The following CNBD1 variants were observed in gnomAD, a reference collection of about 807,000 sequenced individuals.
CNBD1 encodes the protein cyclic nucleotide binding domain containing 1.
Under a neutral mutation model 54.4 loss-of-function variants are expected in CNBD1, and 71 were observed. The observed-to-expected ratio is 1.30, with a 90% confidence interval of 1.08 to 1.59. The LOEUF (loss-of-function observed/expected upper bound fraction) is 1.59, where lower values mean the gene tolerates loss of function less well. Among genes scored for constraint, CNBD1 ranks in the 40% most tolerant of loss-of-function variants. The pLI is 0.00. For synonymous variants in CNBD1, 182 were observed against 170.7 expected, an observed-to-expected ratio of 1.07 and a Z score of -0.51; for missense variants, 659 against 518.0, an observed-to-expected ratio of 1.27 and a Z score of -2.64.
chr8:86,966,889 CT>C (rs1443592253), intron 4 of CNBD1, among the ~76,000 whole-genome samples: 4 of 152,150 alleles, frequency 2.6e-5, no homozygotes, highest in Non-Finnish European at 5.9e-5. Flanking sequence ...CTTTTATTCC[CT>C]TATTTGGCCC....
chr8:87,031,278 A>G (rs1218587578), intron 4 of CNBD1, among the ~76,000 whole-genome samples: 3 of 152,008 alleles, frequency 2.0e-5, no homozygotes, highest in Non-Finnish European at 2.9e-5. Context: ...AAAGCACTTA[A>G]TTATTGCCTT....
intron 6 of CNBD1, among the ~76,000 whole-genome samples, chr8:87,265,496 T>C (rs192108245): frequency 1.3e-4 from 20 of 152,254 alleles, no homozygotes; most frequent in African/African-American, 4.6e-4. Flanking sequence ...TGTTTTTTGC[T>C]TAAATGTTAA....
rs144633052 is a variant in CNBD1 at position 87,061,772 on chromosome 8, T to C, written c.431+122018T>C. On this transcript the variant is annotated intron_variant, in intron 4 of 10. Coordinates refer to ENST00000518476, the MANE Select transcript of CNBD1 (RefSeq NM_173538.3). ...ATCAATATACAATCAATGTGTAAAGTGTAGAGGCACGTTTTTCCCCAATAT... is the reference window on the plus strand; with the variant it reads ...ATCAATATACAATCAATGTGTAAAGCGTAGAGGCACGTTTTTCCCCAATAT... Among the ~76,000 whole-genome samples, 21 of 152,288 alleles carry C rather than the reference T, an allele frequency of 1.4e-4. No homozygotes were observed. In the East Asian group the frequency reaches 3.3e-3, roughly 24 times the overall value.
In CNBD1 at chr8:86,994,837, C is replaced by T. The variant is rs541921484; in HGVS notation, c.431+55083C>T. On this transcript the variant is annotated intron_variant, in intron 4 of 10. Coordinates refer to ENST00000518476, the MANE Select transcript of CNBD1 (RefSeq NM_173538.3). ...GTCACTCTCAGTGGGAGTGGCACTT[C>T]CTGCCTTTTGTTAAGTGCCATGAAT... Among the ~76,000 whole-genome samples, 14 of 152,182 alleles carry T rather than the reference C, an allele frequency of 9.2e-5. No homozygotes were observed. In the South Asian group the frequency reaches 2.9e-3, roughly 32 times the overall value.
downstream of CNBD1, among the ~76,000 whole-genome samples, chr8:87,384,035 C>T (rs1811139237): frequency 6.6e-6 from 1 of 151,628 alleles, no homozygotes; most frequent in African/African-American, 2.4e-5. Context: ...TAAAAAGGCT[C>T]ATTCAATTAA....
intron 2 of CNBD1, among the ~76,000 whole-genome samples, chr8:87,406,081 G>T (rs1448699150): frequency 6.6e-6 from 1 of 151,980 alleles, no homozygotes; most frequent in African/African-American, 2.4e-5. Flanking sequence ...TACTTTGATT[G>T]CTTATATCAT....
At chr8:86,937,128 G>A (rs1442884244) in intron 3 of CNBD1, among the ~76,000 whole-genome samples, 1 of 152,146 alleles carries the variant, frequency 6.6e-6, no homozygotes. Flanking sequence ...CACAATCATG[G>A]TAGAAGGTGG....
chr8:87,398,891 C>A (rs1407054588), intron 2 of CNBD1, among the ~76,000 whole-genome samples: 1 of 151,882 alleles, frequency 6.6e-6, no homozygotes, highest in Non-Finnish European at 1.5e-5. Context: ...AATCTAAAAC[C>A]ACTATCAGAC....
intron 2 of CNBD1, among the ~76,000 whole-genome samples, chr8:86,891,892 A>G (rs1240888843): frequency 1.3e-5 from 2 of 152,044 alleles, no homozygotes; most frequent in East Asian, 3.9e-4. Context: ...AAGCATGACT[A>G]ATTTTTGTAC....
At position 87,155,662 on chromosome 8, in the gene CNBD1, T is replaced by C. The variant is rs148257366; in HGVS notation, c.432-50331T>C. 1.3e-3 allele frequency among the ~76,000 whole-genome samples: 199 copies of C among 152,294 alleles called. 1 individual carries two copies. The highest frequency in any genetic ancestry group is 2.2e-3 in the Non-Finnish European group (153 of 68,016). ...GAAAAACTAGTTCTAGCAGACTGAGTGGGCATGCCTTAGGAATCCAACTGG... is the reference window on the plus strand; with the variant it reads ...GAAAAACTAGTTCTAGCAGACTGAGCGGGCATGCCTTAGGAATCCAACTGG... On this transcript the variant is annotated intron_variant, in intron 4 of 10. Coordinates refer to ENST00000518476, the MANE Select transcript of CNBD1 (RefSeq NM_173538.3).
chr8:87,110,784 A>G (rs1811646284), intron 4 of CNBD1, among the ~76,000 whole-genome samples: 1 of 152,238 alleles, frequency 6.6e-6, no homozygotes, highest in Admixed American at 6.5e-5. Context: ...GGGCAAATCA[A>G]CAAATGTATT....
Position 87,376,189 on chromosome 8 carries a change from T to A in CNBD1, c.1304-6431T>A, listed in dbSNP as rs189080955. On this transcript the variant is annotated intron_variant, in intron 10 of 10. Transcript: ENST00000518476. ...AATGCATTACCATGGGCTGGGTGGCTTAAACAACAAACGTTTATTTTCCCA... is the reference window on the plus strand; with the variant it reads ...AATGCATTACCATGGGCTGGGTGGCATAAACAACAAACGTTTATTTTCCCA... 3.9e-3 allele frequency among the ~76,000 whole-genome samples: 592 copies of A among 152,032 alleles called. 8 individuals are homozygous for A. The highest frequency in any genetic ancestry group is 0.013 in the African/African-American group (558 of 41,512).
intron 4 of CNBD1, among the ~76,000 whole-genome samples, chr8:87,012,318 C>A (rs1294429427): frequency 6.6e-6 from 1 of 152,120 alleles, no homozygotes; most frequent in African/African-American, 2.4e-5. Flanking sequence ...AAATTCCTGC[C>A]TAAGAGGTCT....
At chr8:87,170,446 CACT>C (rs1159275848) in intron 4 of CNBD1, among the ~76,000 whole-genome samples, 1 of 152,080 alleles carries the variant, frequency 6.6e-6, no homozygotes, top group Non-Finnish European at 1.5e-5. Flanking sequence ...CTAGAACTTC[CACT>C]ACTATGTTGA....
chr8:86,877,787 C>A (rs149273807), intron 1 of CNBD1, among the ~76,000 whole-genome samples: 1 of 152,074 alleles, frequency 6.6e-6, no homozygotes, highest in Non-Finnish European at 1.5e-5. Context: ...TTTGTCTACT[C>A]TTATTTCTGT....
chr8:87,205,053 T>C (rs1813942355), intron 4 of CNBD1, among the ~76,000 whole-genome samples: 1 of 152,116 alleles, frequency 6.6e-6, no homozygotes, highest in African/African-American at 2.4e-5. Flanking sequence ...TACACATGGA[T>C]ACCAGATGGG....
intron 4 of CNBD1, among the ~76,000 whole-genome samples, chr8:87,020,223 T>A (rs1273418867): frequency 6.6e-6 from 1 of 152,100 alleles, no homozygotes; most frequent in Non-Finnish European, 1.5e-5. Context: ...ATCTAGGATT[T>A]TTTTTTTAAA....
chr8:87,058,517 G>A (rs1810473304), intron 4 of CNBD1, among the ~76,000 whole-genome samples: 1 of 152,142 alleles, frequency 6.6e-6, no homozygotes, highest in Admixed American at 6.5e-5. Context: ...GGACATCCAG[G>A]CATTTCCATA....
At chr8:87,311,745 C>A (rs1809270568) in intron 8 of CNBD1, among the ~76,000 whole-genome samples, 1 of 152,064 alleles carries the variant, frequency 6.6e-6, no homozygotes, top group South Asian at 2.1e-4. Flanking sequence ...CACATATATA[C>A]CATGAAATAG....
Sources: allele counts gnomAD v4.1 joint callset (sites outside exome capture counted in the v4.1 genomes callset), GRCh38; gene constraint gnomAD v4.1.1; transcripts MANE v1.5; gene names NCBI Gene and HGNC (gene_info 2026-07-23, HGNC 2026-07-21).